The following CSMD1 variants were observed in gnomAD, a reference collection of about 807,000 sequenced individuals.
The protein encoded by CSMD1 is CUB and Sushi multiple domains 1.
A neutral mutation model predicts 417.5 loss-of-function variants in CSMD1; 213 were observed. The ratio of observed to expected loss-of-function variants is 0.51; its 90% confidence interval spans 0.46 to 0.57. CSMD1 has a LOEUF of 0.57. Among genes scored for constraint, CSMD1 ranks in the 20% least tolerant of loss-of-function variants. The probability of loss-of-function intolerance (pLI) is 0.00; values close to 1 mark genes in which losing one functional copy is unlikely to be tolerated. For synonymous variants in CSMD1, 2,862 were observed against 1,736.8 expected, an observed-to-expected ratio of 1.65 and a Z score of -16.11; for missense variants, 6,923 against 4,529.7, an observed-to-expected ratio of 1.53 and a Z score of -15.17.
intron 6 of CSMD1, among the ~76,000 whole-genome samples, chr8:3,709,819 G>T (rs1192536207): frequency 6.7e-6 from 1 of 149,644 alleles, no homozygotes; most frequent in East Asian, 2.0e-4. Flanking sequence ...AATCATGTGA[G>T]TCAGTTCCTT....
rs763572783 is a variant in CSMD1 at position 3,108,827 on chromosome 8, T to A, written c.6609-79A>T. ...TTTATGGAAACTTTGGCTAATGAAT[T>A]AATTTTTTTAATAAAAGCAATAAAA... is the stretch of plus-strand genomic sequence containing the variant. On this transcript the variant is annotated intron_variant, in intron 43 of 69. Transcript: ENST00000635120. The A allele has an allele frequency of 5.5e-4, 754 of 1,366,622 alleles. 1 individual carries two copies. The highest frequency in any genetic ancestry group is 7.1e-4 in the Non-Finnish European group (716 of 1,005,294). 84.7% of individuals were successfully genotyped at this position (1,366,622 alleles called of 1,614,324 possible). A position where few individuals can be genotyped will look rare whatever the true frequency, so the allele number is the denominator to read the frequency against.
chr8:4,610,649 G>C (rs879291882), intron 2 of CSMD1, among the ~76,000 whole-genome samples: 4 of 152,160 alleles, frequency 2.6e-5, no homozygotes, highest in East Asian at 3.9e-4. Flanking sequence ...ATTATAAATA[G>C]TTGATTTAAT....
intron 5 of CSMD1, among the ~76,000 whole-genome samples, chr8:3,813,090 AGT>A (rs1801173176): frequency 8.1e-6 from 1 of 123,800 alleles, no homozygotes; most frequent in African/African-American, 3.1e-5. Context: ...ATTTTAAGCT[AGT>A]TTTTTTTTTT....
chr8:3,997,511 A>G (rs559538146), intron 5 of CSMD1, among the ~76,000 whole-genome samples: 13 of 152,230 alleles, frequency 8.5e-5, no homozygotes, highest in Non-Finnish European at 1.3e-4. Flanking sequence ...GCACAATCAT[A>G]TATCTGCAGC....
At chr8:3,485,072 G>C (rs187545862) in intron 11 of CSMD1, among the ~76,000 whole-genome samples, 11 of 152,252 alleles carry the variant, frequency 7.2e-5, no homozygotes, top group East Asian at 1.9e-4. Flanking sequence ...TAATTTCCAA[G>C]AGAAATAAAA....
rs74887900 is a variant in CSMD1 at position 4,151,337 on chromosome 8, T to C, written c.416-119238A>G. Among the ~76,000 whole-genome samples, 1,109 of 152,316 alleles carry C rather than the reference T, an allele frequency of 7.3e-3. 16 individuals are homozygous for C. Among genetic ancestry groups the C allele is most frequent in the African/African-American group, 0.026 (1,076 of 41,572 alleles). The stretch of plus-strand genomic sequence containing the variant: ...TAAGATCAATGCTTCAAGAGATAAA[T>C]CACTTATTTACAGTGAGACATTAAC... On this transcript the variant is annotated intron_variant, in intron 3 of 69. Coordinates refer to ENST00000635120, the MANE Select transcript of CSMD1 (RefSeq NM_033225.6).
At chr8:4,721,922 C>G (rs539535442) in intron 1 of CSMD1, among the ~76,000 whole-genome samples, 5 of 151,960 alleles carry the variant, frequency 3.3e-5, no homozygotes, top group Non-Finnish European at 7.4e-5. Context: ...AAACCAAACA[C>G]GAAAGAAAAA....
chr8:4,807,380 C>A (rs1798650845), intron 1 of CSMD1, among the ~76,000 whole-genome samples: 1 of 152,172 alleles, frequency 6.6e-6, no homozygotes, highest in South Asian at 2.1e-4. Context: ...GAGCTTCCCT[C>A]ACTGCCGGGT....
chr8:3,424,361 G>A lies in CSMD1; in HGVS notation c.1562-14756C>T, dbSNP rs143936892. On this transcript the variant is annotated intron_variant, in intron 12 of 69. Coordinates refer to ENST00000635120, the MANE Select transcript of CSMD1 (RefSeq NM_033225.6). Reference sequence around the variant, plus strand: ...TGATTAGCAAACTTGGGAAGCTATTGAATAGTTCGCACATTGCCCAGTTAC... The same window carrying A: ...TGATTAGCAAACTTGGGAAGCTATTAAATAGTTCGCACATTGCCCAGTTAC... 9.2e-5 allele frequency among the ~76,000 whole-genome samples: 14 copies of A among 152,296 alleles called. No individual in the cohort carries two copies. In the East Asian group the frequency reaches 2.3e-3, roughly 25 times the overall value.
chr8:4,087,450 C>G (rs945247629), intron 3 of CSMD1, among the ~76,000 whole-genome samples: 9 of 152,154 alleles, frequency 5.9e-5, no homozygotes, highest in Admixed American at 5.2e-4. Flanking sequence ...TAAGTAGAAA[C>G]CACCCAACTT....
At chr8:4,423,688 G>A (rs1797383565) in intron 2 of CSMD1, among the ~76,000 whole-genome samples, 1 of 151,660 alleles carries the variant, frequency 6.6e-6, no homozygotes, top group Admixed American at 6.6e-5. Context: ...AGAATTTTTG[G>A]GTATATAGCA....
intron 31 of CSMD1, among the ~76,000 whole-genome samples, chr8:3,203,051 G>A (rs1034021663): frequency 6.6e-6 from 1 of 151,818 alleles, no homozygotes; most frequent in South Asian, 2.1e-4. Flanking sequence ...CCAAAACTTG[G>A]GTCACAAAAG....
At chr8:3,253,730 G>T (rs937400248) in intron 26 of CSMD1, among the ~76,000 whole-genome samples, 1 of 152,028 alleles carries the variant, frequency 6.6e-6, no homozygotes, top group Non-Finnish European at 1.5e-5. Context: ...TTGCTTGGTA[G>T]ATCTTCCTCC....
rs529202680 is a variant in CSMD1, at chr8:3,472,792, C to G, written c.1449-3968G>C. ...AGTATAAGGGGGAAAACATTTAGGG[C>G]AGTCAAAACATGAAATACCTGCCTC... On this transcript the variant is annotated intron_variant, in intron 11 of 69. Coordinates refer to ENST00000635120, the MANE Select transcript of CSMD1 (RefSeq NM_033225.6). Among the ~76,000 whole-genome samples the G allele has an allele frequency of 9.9e-5, 15 of 152,212 alleles. No individual in the cohort carries two copies. In the East Asian group the frequency reaches 2.7e-3, roughly 27 times the overall value.
chr8:3,186,172 G>A lies in CSMD1; in HGVS notation c.5620+1697C>T, dbSNP rs187984057. Among the ~76,000 whole-genome samples, 230 of 151,524 alleles carry A rather than the reference G, an allele frequency of 1.5e-3. 1 individual carries two copies. Among genetic ancestry groups the A allele is most frequent in the Admixed American group, 0.01 (153 of 15,218 alleles). ...TGTGTAGATTTTAACTTGTGTTGTT[G>A]TTGTTGATGATGTTTTTAATGAGAG... On this transcript the variant is annotated intron_variant, in intron 36 of 69. Transcript: ENST00000635120.
intron 8 of CSMD1, among the ~76,000 whole-genome samples, chr8:3,604,989 C>G (rs978262388): frequency 5.9e-5 from 9 of 152,116 alleles, no homozygotes; most frequent in African/African-American, 2.2e-4. Context: ...GATTCAATAA[C>G]ACAACTTAAA....
intron 23 of CSMD1, among the ~76,000 whole-genome samples, chr8:3,314,630 A>G (rs1478314083): frequency 1.3e-5 from 2 of 152,258 alleles, no homozygotes; most frequent in African/African-American, 4.8e-5. Flanking sequence ...CACAGCCAAA[A>G]TACTACGAAC....
chr8:4,115,319 A>C (rs1044939910), intron 3 of CSMD1, among the ~76,000 whole-genome samples: 8 of 152,358 alleles, frequency 5.3e-5, no homozygotes, highest in Non-Finnish European at 8.8e-5. Context: ...TTTAAAATTA[A>C]GGTATGTACA....
intron 3 of CSMD1, among the ~76,000 whole-genome samples, chr8:4,119,670 G>A (rs146370319): frequency 6.6e-6 from 1 of 152,184 alleles, no homozygotes; most frequent in Non-Finnish European, 1.5e-5. Flanking sequence ...ACACTTGCAA[G>A]CCAGGAAGAG....
Sources: allele counts gnomAD v4.1 joint callset (sites outside exome capture counted in the v4.1 genomes callset), GRCh38; gene constraint gnomAD v4.1.1; transcripts MANE v1.5; gene names NCBI Gene and HGNC (gene_info 2026-07-23, HGNC 2026-07-21).